Variants in PGAP4 observed in about 807,000 individuals in gnomAD.
PGAP4 encodes the protein GPI-N-acetylgalactosamine transferase PGAP4.
PGAP4 carries 12 observed loss-of-function variants against 28.2 expected under a neutral mutation model. The observed-to-expected ratio is 0.42, with a 90% CI of 0.27 to 0.69. The LOEUF (loss-of-function observed/expected upper bound fraction) is 0.69. PGAP4 is among the 30% of genes least tolerant of loss of function. The probability of loss-of-function intolerance (pLI) is 0.22; values close to 1 mark genes in which losing one functional copy is unlikely to be tolerated. For synonymous variants in PGAP4, 205 were observed against 211.8 expected (o/e 0.97, Z 0.28); for missense variants, 425 against 513.5 (o/e 0.83, Z 1.67).
chr9:101,499,874 C>T (rs1158415894), intron 2 of PGAP4, among the ~76,000 whole-genome samples: 1 of 152,140 alleles, frequency 6.6e-6, no homozygotes, highest in East Asian at 1.9e-4. Context: ...GTTCCTTTAT[C>T]TCTAACTACC....
Position 101,477,099 on chromosome 9 carries a change from A to C in PGAP4, c.-7T>G. On this transcript the variant is annotated 5_prime_UTR_variant, in exon 2 of 2. The change abolishes the stop of an existing upstream ORF in the 5' untranslated region. Transcript: ENST00000374848. ...GAGAGGTTGAAGTGCTCATGAGGTC[A>C]ACTTTTGTTCATGTCTGGTCCCAAG... is the stretch of plus-strand genomic sequence containing the variant. 6.4e-7 allele frequency: 1 copy of C among 1,556,402 alleles called. No individual in the cohort carries two copies. Among genetic ancestry groups the C allele is most frequent in the Non-Finnish European group, 8.7e-7 (1 of 1,154,796 alleles).
At chr9:101,509,532 C>A (rs1053261670) in intron 2 of PGAP4, among the ~76,000 whole-genome samples, 1 of 152,262 alleles carries the variant, frequency 6.6e-6, no homozygotes, top group East Asian at 1.9e-4. Context: ...CTCTGGCCAG[C>A]AATCTACCTT....
intron 2 of PGAP4, among the ~76,000 whole-genome samples, chr9:101,508,344 A>C (rs1019042633): frequency 2.0e-5 from 3 of 152,106 alleles, no homozygotes; most frequent in Admixed American, 6.6e-5. Flanking sequence ...GCGGTAGTTC[A>C]TAACTTCGGA....
chr9:101,481,205 A>G (rs1396167953), intron 1 of PGAP4, among the ~76,000 whole-genome samples: 1 of 152,174 alleles, frequency 6.6e-6, no homozygotes, highest in Non-Finnish European at 1.5e-5. Context: ...CACACAAACA[A>G]AAAAAGATAA....
chr9:101,524,942 C>T (rs956995045), intron 2 of PGAP4, among the ~76,000 whole-genome samples: 3 of 152,216 alleles, frequency 2.0e-5, no homozygotes, highest in Non-Finnish European at 2.9e-5. Context: ...AGCTCCCACA[C>T]GCTGCTCTGT....
chr9:101,480,964 C>G (rs1190066391), intron 1 of PGAP4, among the ~76,000 whole-genome samples: 4 of 152,068 alleles, frequency 2.6e-5, no homozygotes, highest in African/African-American at 9.7e-5. Context: ...ATGGCTTGAG[C>G]CCAGGAGATT....
At chr9:101,480,025 A>T (rs1826436458) in intron 1 of PGAP4, 1 of 152,130 alleles carries the variant, frequency 6.6e-6, no homozygotes, top group Admixed American at 6.5e-5. Context: ...CACAGAGCAG[A>T]AGGAGGGGAA....
rs535311336 is a variant in PGAP4, at chr9:101,479,467, TATG to T, written c.-77-2301_-77-2299del. Reference sequence around the variant, plus strand: ...GCACATAGTAAAGGCTATCACTTACTATGATATGTCAGGGGGGAAAGAAATGGA... The same window carrying T: ...GCACATAGTAAAGGCTATCACTTACTATATGTCAGGGGGGAAAGAAATGGA... On this transcript the variant is annotated intron_variant, in intron 1 of 1. Transcript: ENST00000374848. Among the ~76,000 whole-genome samples the T allele has an allele frequency of 3.3e-5, 5 of 152,316 alleles. No homozygotes were observed. In the East Asian group the frequency reaches 9.7e-4, roughly 29 times the overall value.
chr9:101,516,834 T>C (rs1487986539), intron 2 of PGAP4, among the ~76,000 whole-genome samples: 2 of 152,178 alleles, frequency 1.3e-5, no homozygotes, highest in African/African-American at 4.8e-5. Context: ...TCACATGAGG[T>C]TGGTTATCAC....
chr9:101,497,802 A>G (rs947242550), intron 2 of PGAP4, among the ~76,000 whole-genome samples: 1 of 151,734 alleles, frequency 6.6e-6, no homozygotes, highest in Admixed American at 6.6e-5. Flanking sequence ...AAAAATGTTT[A>G]AGGGAATTTG....
At chr9:101,530,885 T>TTTTG (rs143696837) in intron 2 of PGAP4, among the ~76,000 whole-genome samples, 151 of 152,236 alleles carry the variant, frequency 9.9e-4, no homozygotes, top group South Asian at 1.0e-3. Context: ...GTGAAGGTGT[T>TTTTG]TTTGTTTGTT....
chr9:101,481,805 C>A (rs186243702), intron 1 of PGAP4, among the ~76,000 whole-genome samples: 120 of 152,326 alleles, frequency 7.9e-4, no homozygotes, highest in African/African-American at 2.5e-3. Flanking sequence ...AATGGCACGA[C>A]CACTTTCCCA....
upstream of PGAP4, among the ~76,000 whole-genome samples, chr9:101,490,382 G>C (rs1394720877): frequency 6.6e-6 from 1 of 151,808 alleles, no homozygotes; most frequent in African/African-American, 2.4e-5. Context: ...TAGAGCTGGG[G>C]TTTCACCATT....
At chr9:101,487,421 T>C (rs1318784255), upstream of PGAP4, among the ~76,000 whole-genome samples, 1 of 152,216 alleles carries the variant, frequency 6.6e-6, no homozygotes, top group Non-Finnish European at 1.5e-5. Flanking sequence ...GTCTTGAATG[T>C]TTTTCAGTCT....
chr9:101,524,258 C>T (rs976018794), intron 2 of PGAP4, among the ~76,000 whole-genome samples: 2 of 151,348 alleles, frequency 1.3e-5, no homozygotes, highest in East Asian at 1.9e-4. Flanking sequence ...AGGTAAGTGG[C>T]GGTAAGCTGG....
At chr9:101,523,981 C>T (rs189195933) in intron 2 of PGAP4, among the ~76,000 whole-genome samples, 17 of 151,870 alleles carry the variant, frequency 1.1e-4, no homozygotes, top group African/African-American at 4.1e-4. Context: ...TCCTACAAGC[C>T]GAACTGCAGT....
In PGAP4 at chr9:101,477,140, A is replaced by C; in HGVS notation, c.-48T>G. The C allele has an allele frequency of 1.3e-6, 2 of 1,511,170 alleles. No homozygotes were observed. The highest frequency in any genetic ancestry group is 1.8e-6 in the Non-Finnish European group (2 of 1,132,500). 93.6% of individuals were successfully genotyped at this position (1,511,170 alleles called of 1,614,324 possible). A position where few individuals can be genotyped will look rare whatever the true frequency, so the allele number is the denominator to read the frequency against. ...TGGTCCCAAGAAAAAACCATCCTGG[A>C]ACTCAGGCCAGAGTCATCAGAAATC... On this transcript the variant is annotated 5_prime_UTR_variant, in exon 2 of 2. Transcript: ENST00000374848.
chr9:101,499,245 C>T (rs1251237349), intron 2 of PGAP4, among the ~76,000 whole-genome samples: 1 of 151,928 alleles, frequency 6.6e-6, no homozygotes, highest in African/African-American at 2.4e-5. Flanking sequence ...AGGCTCAGCT[C>T]ATAAGGGCCA....
intron 2 of PGAP4, among the ~76,000 whole-genome samples, chr9:101,503,939 A>G (rs1826825385): frequency 6.6e-6 from 1 of 152,082 alleles, no homozygotes; most frequent in Non-Finnish European, 1.5e-5. Context: ...GAGCTCCTGC[A>G]CTAGACCCAA....
Sources: gnomAD v4.1 joint callset for allele counts (sites outside exome capture counted in the v4.1 genomes callset) on GRCh38, gnomAD v4.1.1 for gene constraint, MANE v1.5 for transcripts, NCBI Gene and HGNC (gene_info 2026-07-23, HGNC 2026-07-21) for gene names.